Variants in MRPS35 observed in about 807,000 individuals in gnomAD.
MRPS35 encodes mitochondrial ribosomal protein S35, also known as small ribosomal subunit protein mS35.
A neutral mutation model predicts 32.7 loss-of-function variants in MRPS35; 29 were observed. That is an observed-to-expected ratio of 0.89 (90% CI 0.66 to 1.21). The LOEUF (loss-of-function observed/expected upper bound fraction) is 1.21, where lower values mean the gene tolerates loss of function less well. Among genes scored for constraint, MRPS35 ranks in the 50% most tolerant of loss-of-function variants. The pLI, the probability that MRPS35 is intolerant of heterozygous loss-of-function variation, is 0.00. For synonymous variants in MRPS35, 148 were observed against 139.3 expected (o/e 1.06, Z -0.44); for missense variants, 373 against 383.8 (o/e 0.97, Z 0.23).
At chr12:27,735,601 A>C in intron 6 of MRPS35, 45 bp downstream of exon 6, 1 of 1,371,974 alleles carries the variant, frequency 7.3e-7, no homozygotes, top group Non-Finnish European at 1.0e-6. Context: ...GTGTTTCCTC[A>C]TTGTCCTCCA....
chr12:27,746,026 A>G (rs2061981073), intron 7 of MRPS35, among the ~76,000 whole-genome samples: 1 of 152,166 alleles, frequency 6.6e-6, no homozygotes, highest in South Asian at 2.1e-4. Flanking sequence ...CAGTAAACAT[A>G]TGTGTGCATG....
At chr12:27,724,729 C>T (rs1172056844) in intron 5 of MRPS35, among the ~76,000 whole-genome samples, 4 of 150,916 alleles carry the variant, frequency 2.7e-5, no homozygotes, top group East Asian at 1.9e-4. Flanking sequence ...GGTGACAGAG[C>T]GAGATTCCAT....
intron 3 of MRPS35, among the ~76,000 whole-genome samples, chr12:27,719,605 G>T (rs958129975): frequency 1.3e-5 from 2 of 151,142 alleles, no homozygotes. Flanking sequence ...AGCGGAGCTT[G>T]CAGTGAGCCG....
chr12:27,743,676 A>G (rs1420387685), intron 7 of MRPS35, among the ~76,000 whole-genome samples: 1 of 152,248 alleles, frequency 6.6e-6, no homozygotes, highest in Non-Finnish European at 1.5e-5. Flanking sequence ...AATAATAAAT[A>G]TCACAAAAGT....
intron 7 of MRPS35, among the ~76,000 whole-genome samples, chr12:27,746,695 A>G (rs182526720): frequency 8.2e-4 from 125 of 152,344 alleles, no homozygotes; most frequent in Middle Eastern, 3.4e-3. Context: ...ATTTTATTAT[A>G]TACTTAAAAG....
intron 5 of MRPS35, among the ~76,000 whole-genome samples, chr12:27,730,411 A>T (rs957402628): frequency 6.6e-6 from 1 of 152,182 alleles, no homozygotes; most frequent in African/African-American, 2.4e-5. Flanking sequence ...TGCCATTCTC[A>T]TCACATCATA....
At chr12:27,730,684 T>G (rs2061918970) in intron 5 of MRPS35, among the ~76,000 whole-genome samples, 1 of 152,132 alleles carries the variant, frequency 6.6e-6, no homozygotes, top group Non-Finnish European at 1.5e-5. Flanking sequence ...TTGCCAGGGC[T>G]GGTCTGGAAC....
intron 4 of MRPS35, 57 bp downstream of exon 4, chr12:27,719,925 A>G: frequency 1.6e-6 from 2 of 1,261,426 alleles, no homozygotes; most frequent in Non-Finnish European, 2.3e-6. Context: ...AAATTTAAGA[A>G]TCTCTGTTCT....
At chr12:27,724,310 G>T in intron 5 of MRPS35, 124 bp downstream of exon 5, 1 of 796,766 alleles carries the variant, frequency 1.3e-6, no homozygotes, top group Non-Finnish European at 1.8e-6. Flanking sequence ...AGGCCAAGGT[G>T]GGAGAATTGC....
chr12:27,723,336 C>A (rs998064936), intron 4 of MRPS35, among the ~76,000 whole-genome samples: 2 of 151,870 alleles, frequency 1.3e-5, no homozygotes, highest in African/African-American at 4.8e-5. Context: ...GATAGAGAGG[C>A]ATGTTCACAG....
In MRPS35 at chr12:27,714,733, G is replaced by A. The variant is rs562184336; in HGVS notation, c.113-47G>A. On this transcript the variant is annotated intron_variant, in intron 1 of 7. Coordinates refer to ENST00000081029, the MANE Select transcript of MRPS35 (RefSeq NM_021821.4). Reference sequence around the variant, plus strand: ...ATGATTGATGTTGAACAACTAACTTGACATGATAAAATTCTCTTTAACTAC... The same window carrying A: ...ATGATTGATGTTGAACAACTAACTTAACATGATAAAATTCTCTTTAACTAC... 54 of 1,441,106 alleles carry A rather than the reference G, an allele frequency of 3.7e-5. No homozygotes were observed. The African/African-American group carries it at 5.8e-4, about 15-fold the overall frequency. 89.3% of individuals were successfully genotyped at this position (1,441,106 alleles called of 1,614,324 possible). A position where few individuals can be genotyped will look rare whatever the true frequency, so the allele number is the denominator to read the frequency against.
chr12:27,728,146 C>T (rs2061907665), intron 5 of MRPS35, among the ~76,000 whole-genome samples: 1 of 152,002 alleles, frequency 6.6e-6, no homozygotes, highest in African/African-American at 2.4e-5. Flanking sequence ...TTTTGCATTC[C>T]GTTTGCATGT....
At chr12:27,745,345 A>T (rs1029344195) in intron 7 of MRPS35, among the ~76,000 whole-genome samples, 3 of 152,168 alleles carry the variant, frequency 2.0e-5, no homozygotes, top group Admixed American at 1.3e-4. Context: ...AGGAACTCAG[A>T]CCTGAACTGC....
chr12:27,754,765 CA>C (rs149548847), intron 7 of MRPS35, among the ~76,000 whole-genome samples: 6,414 of 103,454 alleles, frequency 0.062, 96 homozygotes, highest in East Asian at 0.092. Flanking sequence ...AGACCCATCT[CA>C]AAAAAAAAAA....
At chr12:27,728,643 G>A (rs1197888939) in intron 5 of MRPS35, among the ~76,000 whole-genome samples, 2 of 151,952 alleles carry the variant, frequency 1.3e-5, no homozygotes, top group Admixed American at 6.6e-5. Context: ...CCAGAATCCC[G>A]CCAAAGACCA....
rs772520863 is a variant in MRPS35, at chr12:27,710,958, G to C, written c.112+3G>C. 1.9e-6 allele frequency: 3 copies of C among 1,610,052 alleles called. No homozygotes were observed. Among genetic ancestry groups the C allele is most frequent in the Non-Finnish European group, 2.5e-6 (3 of 1,177,654 alleles). On this transcript the variant is annotated splice_donor_region_variant and intron_variant, in intron 1 of 7. Coordinates refer to ENST00000081029, the MANE Select transcript of MRPS35 (RefSeq NM_021821.4). ...TCCGGTCCCGACACCTAGCCTGCGT[G>C]AGTGTCTGTCTCGTCTTCTCTGGGC...
At chr12:27,751,384 G>A (rs2062002647) in intron 7 of MRPS35, among the ~76,000 whole-genome samples, 1 of 152,160 alleles carries the variant, frequency 6.6e-6, no homozygotes, top group South Asian at 2.1e-4. Context: ...TCCGAGGGGC[G>A]TGGGTGGATG....
In MRPS35 at chr12:27,711,252, G is replaced by T. The variant is rs574262950; in HGVS notation, c.112+297G>T. Among the ~76,000 whole-genome samples, 22 of 152,338 alleles carry T rather than the reference G, an allele frequency of 1.4e-4. No homozygotes were observed. In the South Asian group the frequency reaches 2.9e-3, roughly 20 times the overall value. On this transcript the variant is annotated intron_variant, in intron 1 of 7. Coordinates refer to ENST00000081029, the MANE Select transcript of MRPS35 (RefSeq NM_021821.4). ...CCCCCGTCCACAGCCCCTGGCACAG[G>T]TTACTGGTGCTGTGTTGTTTATCGG...
chr12:27,754,241 G>A (rs932072763), intron 7 of MRPS35, among the ~76,000 whole-genome samples: 15 of 152,032 alleles, frequency 9.9e-5, no homozygotes, highest in South Asian at 2.1e-4. Flanking sequence ...GCAAGAGAGC[G>A]AGACTCTGTC....
Sources: gnomAD v4.1 joint callset for allele counts (sites outside exome capture counted in the v4.1 genomes callset) on GRCh38, gnomAD v4.1.1 for gene constraint, MANE v1.5 for transcripts, NCBI Gene and HGNC (gene_info 2026-07-23, HGNC 2026-07-21) for gene names.